Variants in PRKAR2A observed in about 807,000 individuals in gnomAD.
The protein encoded by PRKAR2A is cAMP-dependent protein kinase type II-alpha regulatory subunit.
In PRKAR2A, 29 loss-of-function variants were observed where a neutral mutation model predicts 51.9. The ratio of observed to expected loss-of-function variants is 0.56; its 90% CI spans 0.42 to 0.76. The LOEUF (loss-of-function observed/expected upper bound fraction) is 0.76. Among genes scored for constraint, PRKAR2A ranks in the 30% least tolerant of loss-of-function variants. The pLI, the probability that PRKAR2A is intolerant of heterozygous loss-of-function variation, is 0.00. For synonymous variants in PRKAR2A, 178 were observed against 186.2 expected (o/e 0.96, Z 0.36); for missense variants, 445 against 512.1 (o/e 0.87, Z 1.26).
chr3:48,811,322 T>G (rs536500079), intron 1 of PRKAR2A, among the ~76,000 whole-genome samples: 1 of 152,134 alleles, frequency 6.6e-6, no homozygotes, highest in South Asian at 2.1e-4. Flanking sequence ...ACAAACAAAA[T>G]TAATTAGCCA....
chr3:48,835,435 A>G (rs1241259365), intron 1 of PRKAR2A, among the ~76,000 whole-genome samples: 7 of 151,972 alleles, frequency 4.6e-5, no homozygotes, highest in Non-Finnish European at 1.0e-4. Context: ...AGGTCAGCAG[A>G]TCGAGGCCAT....
At chr3:48,789,361 C>T (rs1417341804) in intron 4 of PRKAR2A, among the ~76,000 whole-genome samples, 1 of 152,176 alleles carries the variant, frequency 6.6e-6, no homozygotes, top group East Asian at 1.9e-4. Context: ...AATGCCTTTT[C>T]CATCTTAACC....
intron 1 of PRKAR2A, among the ~76,000 whole-genome samples, chr3:48,829,805 A>G (rs1394042768): frequency 1.5e-5 from 2 of 130,844 alleles, no homozygotes; most frequent in African/African-American, 5.3e-5. Flanking sequence ...GCGTATATAT[A>G]CATATATATG....
At chr3:48,836,922 G>A (rs2083296371) in intron 1 of PRKAR2A, among the ~76,000 whole-genome samples, 1 of 151,994 alleles carries the variant, frequency 6.6e-6, no homozygotes, top group South Asian at 2.1e-4. Flanking sequence ...CCTGAGCTCA[G>A]GAGTTCGAGA....
chr3:48,758,580 CAAA>C (rs527383934), intron 8 of PRKAR2A, among the ~76,000 whole-genome samples: 5 of 51,102 alleles, frequency 9.8e-5, no homozygotes, highest in Admixed American at 2.1e-4. Flanking sequence ...AAGACTGTCT[CAAA>C]AAAAAAAAAA....
chr3:48,829,044 C>T (rs1344559393), intron 1 of PRKAR2A, among the ~76,000 whole-genome samples: 1 of 151,708 alleles, frequency 6.6e-6, no homozygotes, highest in Non-Finnish European at 1.5e-5. Flanking sequence ...CCATGTTGGC[C>T]AAGCTGGTCT....
chr3:48,757,793 C>T (rs935361021), intron 8 of PRKAR2A, among the ~76,000 whole-genome samples: 24 of 151,992 alleles, frequency 1.6e-4, no homozygotes, highest in African/African-American at 4.6e-4. Flanking sequence ...TGGTGGCTCA[C>T]GCCTGTAATC....
chr3:48,752,797 A>G (rs1270520982), intron 9 of PRKAR2A, among the ~76,000 whole-genome samples: 1 of 151,890 alleles, frequency 6.6e-6, no homozygotes, highest in African/African-American at 2.4e-5. Context: ...TGTTGGCCTC[A>G]AGCAATCCTC....
intron 1 of PRKAR2A, among the ~76,000 whole-genome samples, chr3:48,839,150 TG>T (rs1436900746): frequency 6.6e-6 from 1 of 151,918 alleles, no homozygotes; most frequent in Non-Finnish European, 1.5e-5. Flanking sequence ...TAGCCGGGCG[TG>T]GTGACACGCG....
chr3:48,835,846 T>C (rs1316276742), intron 1 of PRKAR2A, among the ~76,000 whole-genome samples: 1 of 151,826 alleles, frequency 6.6e-6, no homozygotes, highest in East Asian at 1.9e-4. Context: ...AAGAATGAAC[T>C]TGGAGAACTC....
At chr3:48,832,884 G>T (rs751046524) in intron 1 of PRKAR2A, among the ~76,000 whole-genome samples, 1 of 152,074 alleles carries the variant, frequency 6.6e-6, no homozygotes, top group South Asian at 2.1e-4. Flanking sequence ...AAAAACTAAG[G>T]CTGCTGTGTG....
chr3:48,802,724 GA>G (rs751245443), intron 2 of PRKAR2A, among the ~76,000 whole-genome samples: 44 of 152,064 alleles, frequency 2.9e-4, no homozygotes, highest in Non-Finnish European at 5.7e-4. Flanking sequence ...AGAACAACTA[GA>G]AACAACAAAT....
At chr3:48,815,021 C>T (rs2082850559) in intron 1 of PRKAR2A, among the ~76,000 whole-genome samples, 1 of 152,112 alleles carries the variant, frequency 6.6e-6, no homozygotes, top group African/African-American at 2.4e-5. Context: ...AAGTGATTCT[C>T]CCACCTCAGC....
Position 48,768,330 on chromosome 3 carries a change from T to TAGATAGATAGATAGACAGAC in PRKAR2A, c.697-2982_697-2981insGTCTGTCTATCTATCTATCT, listed in dbSNP as rs1168217616. On this transcript the variant is annotated intron_variant, in intron 6 of 10. Transcript: ENST00000265563. ...ATAGATAGATAGATAGATAGATAGA[T>TAGATAGATAGATAGACAGAC]AGATAGATAGATATAGACAGACAGA... is the stretch of plus-strand genomic sequence containing the variant. 8.2e-4 allele frequency among the ~76,000 whole-genome samples: 123 copies of TAGATAGATAGATAGACAGAC among 150,740 alleles called. 1 individual carries two copies. Among genetic ancestry groups the TAGATAGATAGATAGACAGAC allele is most frequent in the African/African-American group, 2.9e-3 (117 of 41,000 alleles).
rs375918092 is a variant in PRKAR2A at position 48,765,368 on chromosome 3, A to C, written c.697-19T>G. ...CCCGGTCCTACAAGAAAGAATATGA[A>C]AATTCTAGTAAATGCCTATATACAG... On this transcript the variant is annotated intron_variant, in intron 6 of 10. Coordinates refer to ENST00000265563, the MANE Select transcript of PRKAR2A (RefSeq NM_004157.4). The C allele has an allele frequency of 8.6e-6, 13 of 1,517,794 alleles. No homozygotes were observed. The highest frequency in any genetic ancestry group is 1.1e-5 in the Non-Finnish European group (12 of 1,107,778). 94.0% of individuals were successfully genotyped at this position (1,517,794 alleles called of 1,614,324 possible). A position where few individuals can be genotyped will look rare whatever the true frequency, so the allele number is the denominator to read the frequency against.
At chr3:48,745,312 GGT>G (rs1328457753), downstream of PRKAR2A, among the ~76,000 whole-genome samples, 1 of 151,926 alleles carries the variant, frequency 6.6e-6, no homozygotes, top group Non-Finnish European at 1.5e-5. Context: ...CTGGATTACA[GGT>G]GTGAGCCACC....
chr3:48,757,692 G>A (rs568488077), intron 8 of PRKAR2A, among the ~76,000 whole-genome samples: 6 of 152,200 alleles, frequency 3.9e-5, no homozygotes, highest in African/African-American at 9.7e-5. Context: ...GGAGGCTGAG[G>A]GGGGTGGATT....
intron 1 of PRKAR2A, among the ~76,000 whole-genome samples, chr3:48,820,698 G>C (rs1482910205): frequency 2.0e-5 from 3 of 152,260 alleles, no homozygotes; most frequent in Admixed American, 2.0e-4. Context: ...CTACCTCATA[G>C]GGTTGCTGCT....
chr3:48,781,201 G>A (rs181429511), intron 5 of PRKAR2A, among the ~76,000 whole-genome samples: 58 of 150,732 alleles, frequency 3.8e-4, no homozygotes, highest in Non-Finnish European at 7.5e-4. Flanking sequence ...GGCCAGGCTG[G>A]TTTTGAACTC....
Sources: allele counts gnomAD v4.1 joint callset (sites outside exome capture counted in the v4.1 genomes callset), GRCh38; gene constraint gnomAD v4.1.1; transcripts MANE v1.5; gene names NCBI Gene and HGNC (gene_info 2026-07-23, HGNC 2026-07-21).